THSD4: variants seen among roughly 807,000 people sequenced by gnomAD.
THSD4 encodes the protein thrombospondin type 1 domain containing 4.
Under a neutral mutation model 119.0 loss-of-function variants are expected in THSD4, and 69 were observed. That is an observed-to-expected ratio of 0.58 (90% CI 0.48 to 0.71). The LOEUF is 0.71. Among genes scored for constraint, THSD4 ranks in the 30% least tolerant of loss-of-function variants. The probability of loss-of-function intolerance (pLI) is 0.00; values close to 1 mark genes in which losing one functional copy is unlikely to be tolerated. For missense variants in THSD4, 1,393 were observed against 1,391.1 expected (o/e 1.00, Z -0.02); for synonymous variants, 524 against 540.4 (o/e 0.97, Z 0.42).
intron 7 of THSD4, among the ~76,000 whole-genome samples, chr15:71,584,582 C>G (rs2049627118): frequency 6.6e-6 from 1 of 152,018 alleles, no homozygotes; most frequent in South Asian, 2.1e-4. Flanking sequence ...ACTTTTTTCA[C>G]TTTCAACCAG....
At chr15:71,687,513 T>A (rs1373083228) in intron 8 of THSD4, among the ~76,000 whole-genome samples, 6 of 152,086 alleles carry the variant, frequency 3.9e-5, no homozygotes, top group Non-Finnish European at 7.4e-5. Flanking sequence ...CCCAGCACTT[T>A]GGGGGGCCAA....
chr15:71,711,176 C>G (rs905078), intron 8 of THSD4, among the ~76,000 whole-genome samples: 143,074 of 150,700 alleles, frequency 0.95, 68,241 homozygotes, highest in East Asian at 1. Context: ...ATAGGGGAGA[C>G]TTGAAGGACC....
intron 7 of THSD4, among the ~76,000 whole-genome samples, chr15:71,633,208 G>A (rs2050666482): frequency 6.6e-6 from 1 of 151,954 alleles, no homozygotes; most frequent in South Asian, 2.1e-4. Flanking sequence ...GGTCTAACTG[G>A]GGGAATATAG....
intron 6 of THSD4, among the ~76,000 whole-genome samples, chr15:71,387,559 G>A (rs1274200618): frequency 6.6e-6 from 1 of 152,162 alleles, no homozygotes; most frequent in Non-Finnish European, 1.5e-5. Flanking sequence ...TAAATTCCAG[G>A]TGGAGGATGA....
chr15:71,107,620 G>A (rs1161622870), intron 1 of THSD4, among the ~76,000 whole-genome samples: 3 of 152,118 alleles, frequency 2.0e-5, no homozygotes, highest in Non-Finnish European at 4.4e-5. Flanking sequence ...TAATCTACAC[G>A]CTTGTTCTTG....
Position 71,208,729 on chromosome 15 carries a change from C to T in THSD4, c.100-6306C>T, listed in dbSNP as rs1361470317. On this transcript the variant is annotated intron_variant, in intron 3 of 17. Coordinates refer to ENST00000261862, the MANE Select transcript of THSD4 (RefSeq NM_024817.3). ...GTTTCACCATGTTGGCCAGGCTGGT[C>T]ACGAACGCCTGACCTCAAATTATCC... Among the ~76,000 whole-genome samples the T allele has an allele frequency of 2.0e-5, 3 of 151,996 alleles. No individual in the cohort carries two copies. The East Asian group carries it at 5.8e-4, about 29-fold the overall frequency.
rs142157584 is a variant in THSD4 at position 71,543,816 on chromosome 15, T to C, written c.1153-116714T>C. ...GCCAAGGCAGGTGGATCACCTGAGG[T>C]TGGGAGTTCGAGACCTGCCTGACCA... is the stretch of plus-strand genomic sequence containing the variant. On this transcript the variant is annotated intron_variant, in intron 7 of 17. Coordinates refer to ENST00000261862, the MANE Select transcript of THSD4 (RefSeq NM_024817.3). Among the ~76,000 whole-genome samples, 310 of 152,166 alleles carry C rather than the reference T, an allele frequency of 2.0e-3. 3 individuals carry two copies. The highest frequency in any genetic ancestry group is 7.0e-3 in the African/African-American group (290 of 41,522).
chr15:71,388,615 A>G (rs887540465), intron 6 of THSD4, among the ~76,000 whole-genome samples: 1 of 151,122 alleles, frequency 6.6e-6, no homozygotes, highest in African/African-American at 2.4e-5. Context: ...TTGCTCACCA[A>G]TTTTACTTAC....
At chr15:71,182,235 GA>G (rs1398113133) in intron 3 of THSD4, among the ~76,000 whole-genome samples, 27 of 151,718 alleles carry the variant, frequency 1.8e-4, no homozygotes, top group African/African-American at 6.3e-4. Flanking sequence ...CTGCTTCACA[GA>G]AACCCACACA....
chr15:71,699,387 G>A, intron 8 of THSD4, among the ~76,000 whole-genome samples: 1 of 63,076 alleles, frequency 1.6e-5, no homozygotes, highest in East Asian at 9.1e-4. Flanking sequence ...TAATTTTTTT[G>A]TATTTTTAGT....
At chr15:71,596,388 C>T (rs34380171) in intron 7 of THSD4, among the ~76,000 whole-genome samples, 24,099 of 152,138 alleles carry the variant, frequency 0.16, 2,404 homozygotes, top group Non-Finnish European at 0.22. Context: ...GAAAGTCTTC[C>T]ACCACATTCC....
At chr15:71,191,488 C>T (rs976339598) in intron 3 of THSD4, among the ~76,000 whole-genome samples, 9 of 152,162 alleles carry the variant, frequency 5.9e-5, no homozygotes, top group East Asian at 5.8e-4. Flanking sequence ...TTATTTGCTG[C>T]GTGCCAGGCA....
At position 71,415,796 on chromosome 15, in the gene THSD4, T is replaced by G. The variant is rs1304070471; in HGVS notation, c.1152+3973T>G. Among the ~76,000 whole-genome samples, 8 of 152,154 alleles carry G rather than the reference T, an allele frequency of 5.3e-5. No homozygotes were observed. In the East Asian group the frequency reaches 1.5e-3, roughly 29 times the overall value. On this transcript the variant is annotated intron_variant, in intron 7 of 17. Transcript: ENST00000261862. ...AGTGAGAACATGCCAAGTTTGTCTT[T>G]TTGTTTGTTTGTTTTTTTAAGACGG...
rs1295922364 is a variant in THSD4, at chr15:71,559,646, G to A, written c.1153-100884G>A. 2.0e-5 allele frequency among the ~76,000 whole-genome samples: 3 copies of A among 151,644 alleles called. No homozygotes were observed. The South Asian group carries it at 6.2e-4, about 31-fold the overall frequency. On this transcript the variant is annotated intron_variant, in intron 7 of 17. Coordinates refer to ENST00000261862, the MANE Select transcript of THSD4 (RefSeq NM_024817.3). ...TCTCTACCTTCTTCCCATAAAATGG[G>A]AAGAAGAATAATATTCATCGCAATG... is the stretch of plus-strand genomic sequence containing the variant.
At chr15:71,413,600 A>C (rs2046718839) in intron 7 of THSD4, among the ~76,000 whole-genome samples, 1 of 152,196 alleles carries the variant, frequency 6.6e-6, no homozygotes, top group Admixed American at 6.5e-5. Context: ...AATGTCCTTC[A>C]GTTCTATCCA....
At chr15:71,428,944 T>C (rs898459267) in intron 7 of THSD4, among the ~76,000 whole-genome samples, 2 of 152,206 alleles carry the variant, frequency 1.3e-5, no homozygotes, top group African/African-American at 4.8e-5. Context: ...TGTTTCAATA[T>C]CTAGAGAACA....
intron 4 of THSD4, among the ~76,000 whole-genome samples, chr15:71,226,126 C>G (rs781725376): frequency 2.5e-4 from 38 of 152,192 alleles, no homozygotes; most frequent in South Asian, 8.3e-4. Context: ...CTATGGGAGT[C>G]ACTTAATGTA....
chr15:71,724,611 AT>A (rs2052800347), intron 8 of THSD4, among the ~76,000 whole-genome samples: 1 of 152,058 alleles, frequency 6.6e-6, no homozygotes, highest in Non-Finnish European at 1.5e-5. Context: ...ATAGAAAGCC[AT>A]TGAAGAATTT....
intron 7 of THSD4, among the ~76,000 whole-genome samples, chr15:71,599,873 C>G (rs947714583): frequency 6.6e-6 from 1 of 152,166 alleles, no homozygotes; most frequent in African/African-American, 2.4e-5. Context: ...CACAATGCCC[C>G]CCAGTATGGG....
Sources: gnomAD v4.1 joint callset for allele counts (sites outside exome capture counted in the v4.1 genomes callset) on GRCh38, gnomAD v4.1.1 for gene constraint, MANE v1.5 for transcripts, NCBI Gene and HGNC (gene_info 2026-07-23, HGNC 2026-07-21) for gene names.